Variants in PARP6 observed in about 807,000 individuals in gnomAD.
PARP6 encodes the protein protein mono-ADP-ribosyltransferase PARP6.
PARP6 carries 27 observed loss-of-function variants against 92.0 expected under a neutral mutation model. The observed-to-expected ratio is 0.29, with a 90% CI of 0.22 to 0.40. The LOEUF (loss-of-function observed/expected upper bound fraction) is 0.40. Among genes scored for constraint, PARP6 ranks in the 10% least tolerant of loss-of-function variants. The pLI is 1.00. For missense variants in PARP6, 501 were observed against 784.5 expected, an observed-to-expected ratio of 0.64 and a Z score of 4.32; for synonymous variants, 272 against 281.2, an observed-to-expected ratio of 0.97 and a Z score of 0.33.
chr15:72,266,896 G>A (rs36110969), intron 3 of PARP6, 74 bp from the exon 4 acceptor site: 25,016 of 1,092,040 alleles, frequency 0.023, 500 homozygotes, highest in African/African-American at 0.094. Context: ...GGATGATATG[G>A]TGAGGAACAG....
chr15:72,264,457 G>T, intron 8 of PARP6, 98 bp downstream of exon 8: 1 of 854,902 alleles, frequency 1.2e-6, no homozygotes, highest in Non-Finnish European at 1.9e-6. Flanking sequence ...TTTTTGGAAG[G>T]GGGCATTCCA....
chr15:72,263,030 A>G (rs2086105829), intron 8 of PARP6, among the ~76,000 whole-genome samples: 2 of 152,344 alleles, frequency 1.3e-5, no homozygotes, highest in South Asian at 4.1e-4. Context: ...TCTGGTAAGT[A>G]GCAAATTGAC....
chr15:72,251,064 G>A, intron 17 of PARP6, 110 bp from the exon 18 acceptor site: 1 of 990,438 alleles, frequency 1.0e-6, no homozygotes, highest in Non-Finnish European at 1.6e-6. Context: ...CCCCACACAA[G>A]GGAAATATGC....
In PARP6 at chr15:72,242,641, G is replaced by A; in HGVS notation, c.1620C>T (p.Asn540=). 6.2e-7 allele frequency: 1 copy of A among 1,611,156 alleles called. No homozygotes were observed. The highest frequency in any genetic ancestry group is 1.1e-5 in the South Asian group (1 of 91,006). The part of the protein sequence containing the change: ...PSKDELVQRY[N]RMNTIPQTRS... The stretch of plus-strand genomic sequence containing the variant: ...ATACCTGGGGGATGGTATTCATCCT[G>A]TTGTATCTCTGGACCAGCTCATCCT... The change falls in exon 21 of 24, where the codon AAC becomes AAT. Residue 540 remains asparagine, a synonymous_variant. Coordinates refer to ENST00000569795, the MANE Select transcript of PARP6 (RefSeq NM_001323532.2). The surrounding 1 kb of genome is among the most constrained non-coding windows in gnomAD (Gnocchi z 4.3).
chr15:72,265,269 C>A (rs1041218086), intron 6 of PARP6, 98 bp from the exon 7 acceptor site: 3 of 1,025,866 alleles, frequency 2.9e-6, no homozygotes, highest in Middle Eastern at 2.1e-4. Context: ...ACAGTACACA[C>A]CACTGTCTGC....
intron 12 of PARP6, 102 bp from the exon 13 acceptor site, chr15:72,257,542 G>T: frequency 1.2e-6 from 1 of 844,562 alleles, no homozygotes; most frequent in Non-Finnish European, 2.0e-6. Context: ...AACAGGGTAG[G>T]AATTTGAGGC....
chr15:72,250,371 T>A, intron 18 of PARP6: 1 of 389,642 alleles, frequency 2.6e-6, no homozygotes, highest in South Asian at 3.4e-5. Flanking sequence ...TTGCCCATTA[T>A]CCTGACATTT....
rs564891879 is a variant in PARP6 at position 72,262,374 on chromosome 15, C to T, written c.396-667G>A. ...CTACTATAAAATCTACTTACATTTC[C>T]ACCCTACCTTGATCCCTCCATTCTC... On this transcript the variant is annotated intron_variant, in intron 8 of 23. Coordinates refer to ENST00000569795, the MANE Select transcript of PARP6 (RefSeq NM_001323532.2). 2.4e-4 allele frequency among the ~76,000 whole-genome samples: 37 copies of T among 152,280 alleles called. No individual in the cohort carries two copies. The South Asian group carries it at 5.6e-3, about 23-fold the overall frequency.
At chr15:72,264,450 T>C in intron 8 of PARP6, 105 bp downstream of exon 8, 1 of 821,164 alleles carries the variant, frequency 1.2e-6, no homozygotes. Context: ...AAAGACATTT[T>C]TGGAAGGGGG....
intron 3 of PARP6, 90 bp from the exon 4 acceptor site, chr15:72,266,912 C>T: frequency 1.0e-6 from 1 of 957,330 alleles, no homozygotes; most frequent in Non-Finnish European, 1.7e-6. Context: ...AACAGATTCC[C>T]ACAAAGATTG....
intron 9 of PARP6, among the ~76,000 whole-genome samples, chr15:72,261,268 G>A (rs1405907019): frequency 6.6e-6 from 1 of 152,174 alleles, no homozygotes; most frequent in East Asian, 1.9e-4. Context: ...TCTTAGGATG[G>A]GGAAACGGAT....
In PARP6 at chr15:72,254,468, C is replaced by T. The variant is rs761094720; in HGVS notation, c.1178G>A (p.Arg393Gln). 7 of 1,612,574 alleles carry T rather than the reference C, an allele frequency of 4.3e-6. No homozygotes were observed. Among genetic ancestry groups the T allele is most frequent in the Non-Finnish European group, 5.9e-6 (7 of 1,178,638 alleles). The change falls in exon 15 of 24, where the codon CGG becomes CAG. Residue 393 changes from arginine (R) to glutamine (Q), a missense_variant. Physicochemically the swap from Arg to Gln is conservative, Grantham distance 43. Around this residue, in one of 4 missense-constraint regions of PARP6, gnomAD observed 191 missense variants for 399.1 expected, o/e 0.48. Coordinates refer to ENST00000569795, the MANE Select transcript of PARP6 (RefSeq NM_001323532.2). ...AAGGCAGAATACCTGGGTCATCTCCCGAATAGACATCACACTATCCAGAGC... is the reference window on the plus strand; with the variant it reads ...AAGGCAGAATACCTGGGTCATCTCCTGAATAGACATCACACTATCCAGAGC... ...QKALDSVMSI[R>Q]EMTQGSYLEI... is the part of the protein sequence containing the mutation.
At chr15:72,264,237 T>C (rs2086270008) in intron 8 of PARP6, among the ~76,000 whole-genome samples, 1 of 152,194 alleles carries the variant, frequency 6.6e-6, no homozygotes, top group Non-Finnish European at 1.5e-5. Context: ...CTAGAGTTCC[T>C]AGAGACTTAC....
At chr15:72,266,870 C>CCCACGCCTTT in intron 3 of PARP6, 48 bp from the exon 4 acceptor site, 1 of 1,426,614 alleles carries the variant, frequency 7.0e-7, no homozygotes, top group Non-Finnish European at 9.9e-7. Flanking sequence ...TCCCTATTAT[C>CCCACGCCTTT]CCATGGAAAG....
At chr15:72,259,722 C>T (rs1597081679) in intron 10 of PARP6, 61 bp from the exon 11 acceptor site, 2 of 1,434,956 alleles carry the variant, frequency 1.4e-6, no homozygotes, top group East Asian at 2.3e-5. Context: ...CTAGACAGAC[C>T]TGACTCTTGC....
At chr15:72,252,282 T>C (rs1309535788) in intron 16 of PARP6, among the ~76,000 whole-genome samples, 1 of 152,230 alleles carries the variant, frequency 6.6e-6, no homozygotes, top group Non-Finnish European at 1.5e-5. Flanking sequence ...ACAGTGTTAA[T>C]TTCTACATGC....
intron 14 of PARP6, among the ~76,000 whole-genome samples, chr15:72,255,713 C>A (rs900724394): frequency 1.3e-5 from 2 of 151,480 alleles, no homozygotes; most frequent in Non-Finnish European, 1.5e-5. Context: ...CTTCTCTCTC[C>A]ATATATATCT....
rs1320244819 is a variant in PARP6 at position 72,262,669 on chromosome 15, T to C, written c.396-962A>G. On this transcript the variant is annotated intron_variant, in intron 8 of 23. Transcript: ENST00000569795. ...TGGTTCCTACCTTCACCACTATAAT[T>C]GTTCTCATCCTGATGCTAAATCCGA... is the stretch of plus-strand genomic sequence containing the variant. Among the ~76,000 whole-genome samples the C allele has an allele frequency of 3.3e-5, 5 of 152,320 alleles. No individual in the cohort carries two copies. The South Asian group carries it at 1.0e-3, about 32-fold the overall frequency.
In PARP6 at chr15:72,253,479, T is replaced by C; in HGVS notation, c.1217A>G (p.Gln406Arg). 6.2e-7 allele frequency: 1 copy of C among 1,613,952 alleles called. No homozygotes were observed. The highest frequency in any genetic ancestry group is 8.5e-7 in the Non-Finnish European group (1 of 1,179,842). ...TQGSYLEIKK[Q>R]MDKLDPLAHP... The stretch of plus-strand genomic sequence containing the variant: ...GGCCAGGGGATCCAACTTGTCCATC[T>C]GTTTCTTGATTTCCAAATATGAGCC... Residue 406 changes from glutamine (Q) to arginine (R), a missense_variant, in exon 16 of 24, where the codon CAG becomes CGG. By Grantham distance (43) the Gln-to-Arg change is conservative. Coordinates refer to ENST00000569795, the MANE Select transcript of PARP6 (RefSeq NM_001323532.2).
Sources: allele counts gnomAD v4.1 joint callset (sites outside exome capture counted in the v4.1 genomes callset), GRCh38; gene constraint gnomAD v4.1.1; regional missense constraint gnomAD v4.1.1; non-coding constraint Gnocchi (gnomAD v3.1); transcripts MANE v1.5; gene names NCBI Gene and HGNC (gene_info 2026-07-23, HGNC 2026-07-21).